Variants in PSD3 observed in about 807,000 individuals in gnomAD.
PSD3 encodes PH and SEC7 domain-containing protein 3.
Under a neutral mutation model 105.5 loss-of-function variants are expected in PSD3, and 49 were observed. The observed-to-expected ratio is 0.46, with a 90% CI of 0.37 to 0.59. The LOEUF is 0.59. PSD3 is among the 20% of genes least tolerant of loss of function. The probability of loss-of-function intolerance (pLI) is 0.00; values close to 1 mark genes in which losing one functional copy is unlikely to be tolerated. For synonymous variants in PSD3, 557 were observed against 457.8 expected (o/e 1.22, Z -2.77); for missense variants, 1,561 against 1,263.8 (o/e 1.24, Z -3.57).
chr8:18,956,314 G>A (rs1458055799), intron 1 of PSD3, among the ~76,000 whole-genome samples: 4 of 152,116 alleles, frequency 2.6e-5, no homozygotes, highest in Non-Finnish European at 4.4e-5. Context: ...CTGGTATCCC[G>A]CTAAAACTCT....
chr8:18,572,756 C>T (rs1802221161), intron 13 of PSD3, 84 bp from the exon 14 acceptor site: 1 of 1,457,000 alleles, frequency 6.9e-7, no homozygotes, highest in Non-Finnish European at 9.4e-7. Context: ...TACTGATTTG[C>T]AATGGCATGT....
chr8:18,739,713 C>T (rs1804414549), intron 9 of PSD3, among the ~76,000 whole-genome samples: 1 of 151,992 alleles, frequency 6.6e-6, no homozygotes, highest in African/African-American at 2.4e-5. Flanking sequence ...TTTGAGGATA[C>T]AAAGTAATAT....
At chr8:18,662,633 G>A (rs544473920) in intron 9 of PSD3, among the ~76,000 whole-genome samples, 16 of 152,146 alleles carry the variant, frequency 1.1e-4, no homozygotes, top group Admixed American at 2.6e-4. Context: ...ACATGCAATA[G>A]GAGAGGGCTG....
At chr8:18,815,591 G>C (rs1812148984) in intron 4 of PSD3, among the ~76,000 whole-genome samples, 1 of 152,112 alleles carries the variant, frequency 6.6e-6, no homozygotes, top group South Asian at 2.1e-4. Flanking sequence ...GATTATGAGA[G>C]GGAGCCACTG....
chr8:18,608,027 C>T (rs1195003384), intron 11 of PSD3, among the ~76,000 whole-genome samples: 1 of 152,120 alleles, frequency 6.6e-6, no homozygotes, highest in African/African-American at 2.4e-5. Context: ...CAGGTGGGAA[C>T]TACAATTCAG....
At chr8:18,755,296 G>A (rs1023425820) in intron 9 of PSD3, among the ~76,000 whole-genome samples, 4 of 152,048 alleles carry the variant, frequency 2.6e-5, no homozygotes, top group Admixed American at 6.6e-5. Context: ...CAGGCGTGGT[G>A]GCACGCGCCT....
chr8:18,898,787 T>C (rs543576128), intron 2 of PSD3, among the ~76,000 whole-genome samples: 2 of 152,278 alleles, frequency 1.3e-5, no homozygotes, highest in South Asian at 4.1e-4. Flanking sequence ...GTCTTCATCC[T>C]CAATTTCTCA....
chr8:18,530,473 C>T lies in PSD3; in HGVS notation c.*5270G>A, dbSNP rs765197060. 2.0e-5 allele frequency: 3 copies of T among 152,554 alleles called. No homozygotes were observed. The highest frequency in any genetic ancestry group is 2.1e-4 in the South Asian group (1 of 4,828). The allele number at this position is 152,554 out of a possible 1,614,324, so 9.5% of individuals were successfully genotyped here. A position where few individuals can be genotyped will look rare whatever the true frequency, so the allele number is the denominator to read the frequency against. On this transcript the variant is annotated 3_prime_UTR_variant, in exon 16 of 16. Coordinates refer to ENST00000327040, the MANE Select transcript of PSD3 (RefSeq NM_015310.4). ...TCAAGCGAGTACGGATGCGGCACCACGAGAGTGGTTTGATCTCCCGTAAAA... is the reference window on the plus strand; with the variant it reads ...TCAAGCGAGTACGGATGCGGCACCATGAGAGTGGTTTGATCTCCCGTAAAA...
At chr8:18,759,090 A>ACT (rs1443866631) in intron 9 of PSD3, among the ~76,000 whole-genome samples, 5 of 146,414 alleles carry the variant, frequency 3.4e-5, no homozygotes, top group Non-Finnish European at 6.0e-5. Context: ...ACACACACAC[A>ACT]CACTCTCTCT....
intron 14 of PSD3, among the ~76,000 whole-genome samples, chr8:18,558,104 T>C (rs574390036): frequency 1.3e-5 from 2 of 152,324 alleles, no homozygotes; most frequent in East Asian, 3.9e-4. Context: ...ACCTTGATCT[T>C]GGATTTCCCA....
At chr8:18,700,470 G>C (rs1208862835) in intron 9 of PSD3, among the ~76,000 whole-genome samples, 2 of 152,112 alleles carry the variant, frequency 1.3e-5, no homozygotes, top group African/African-American at 4.8e-5. Flanking sequence ...ACTCGTGAGA[G>C]GCTATCTCCC....
At chr8:18,752,510 A>AT (rs397690498) in intron 9 of PSD3, among the ~76,000 whole-genome samples, 88 of 67,782 alleles carry the variant, frequency 1.3e-3, no homozygotes, top group South Asian at 1.6e-3. Flanking sequence ...TAATATATAT[A>AT]ATATATGTAA....
chr8:18,883,924 C>T lies in PSD3; in HGVS notation c.131-11191G>A, dbSNP rs539778706. Among the ~76,000 whole-genome samples the T allele has an allele frequency of 2.1e-4, 32 of 152,218 alleles. No individual in the cohort carries two copies. The South Asian group carries it at 5.6e-3, about 27-fold the overall frequency. On this transcript the variant is annotated intron_variant, in intron 2 of 15. Transcript: ENST00000327040. The stretch of plus-strand genomic sequence containing the variant: ...AATAACATCTTTGGTGTTCTCTGTT[C>T]CCTAATGAATACCAGTTAGTAAACA...
At chr8:18,801,831 A>AG (rs1347223290) in intron 6 of PSD3, among the ~76,000 whole-genome samples, 1 of 152,146 alleles carries the variant, frequency 6.6e-6, no homozygotes, top group East Asian at 1.9e-4. Flanking sequence ...CCGTTTCAAA[A>AG]GAAAAAAAAA....
chr8:18,765,205 A>G (rs1267800587), intron 9 of PSD3, among the ~76,000 whole-genome samples: 1 of 152,202 alleles, frequency 6.6e-6, no homozygotes, highest in Non-Finnish European at 1.5e-5. Flanking sequence ...CACTATTTGT[A>G]TCACCAACCA....
intron 2 of PSD3, among the ~76,000 whole-genome samples, chr8:18,915,235 A>C (rs976722174): frequency 9.2e-5 from 14 of 152,250 alleles, no homozygotes; most frequent in Non-Finnish European, 1.8e-4. Context: ...AAACTACAAA[A>C]CTACTAGAAT....
chr8:18,560,464 G>C (rs900975634), intron 14 of PSD3, among the ~76,000 whole-genome samples: 1 of 152,068 alleles, frequency 6.6e-6, no homozygotes, highest in African/African-American at 2.4e-5. Flanking sequence ...AGAGATGGCA[G>C]AAAAATATTA....
At chr8:18,818,478 A>T (rs1563308224) in intron 4 of PSD3, among the ~76,000 whole-genome samples, 2 of 152,028 alleles carry the variant, frequency 1.3e-5, no homozygotes, top group Admixed American at 6.6e-5. Context: ...TGTGAATTAG[A>T]TGTTATCTGC....
intron 8 of PSD3, among the ~76,000 whole-genome samples, chr8:18,778,357 A>G (rs1396261098): frequency 2.0e-5 from 3 of 152,174 alleles, no homozygotes; most frequent in Admixed American, 2.0e-4. Context: ...CAGATCTAAG[A>G]GTTTCAGGTA....
Sources: gnomAD v4.1 joint callset for allele counts (sites outside exome capture counted in the v4.1 genomes callset) on GRCh38, gnomAD v4.1.1 for gene constraint, MANE v1.5 for transcripts, NCBI Gene and HGNC (gene_info 2026-07-23, HGNC 2026-07-21) for gene names.